Variants in GRM7 observed in about 807,000 individuals in gnomAD.
GRM7 encodes the protein metabotropic glutamate receptor 7.
A neutral mutation model predicts 84.5 loss-of-function variants in GRM7; 35 were observed. The ratio of observed to expected loss-of-function variants is 0.41; its 90% CI spans 0.32 to 0.55. The LOEUF (loss-of-function observed/expected upper bound fraction) is 0.55. Among genes scored for constraint, GRM7 ranks in the 20% least tolerant of loss-of-function variants. GRM7 has a pLI of 0.19. For missense variants in GRM7, 1,003 were observed against 1,194.6 expected (o/e 0.84, Z 2.36); for synonymous variants, 487 against 455.1 (o/e 1.07, Z -0.89).
At chr3:6,955,354 C>T (rs770222373) in intron 1 of GRM7, among the ~76,000 whole-genome samples, 3 of 151,940 alleles carry the variant, frequency 2.0e-5, no homozygotes, top group African/African-American at 7.3e-5. Context: ...TGGTCCAACA[C>T]GGTGAAGCCC....
intron 1 of GRM7, among the ~76,000 whole-genome samples, chr3:7,025,589 C>T (rs1377808499): frequency 6.6e-6 from 1 of 152,174 alleles, no homozygotes; most frequent in Non-Finnish European, 1.5e-5. Flanking sequence ...TGAGTCATGC[C>T]TGCAGACGTG....
At chr3:7,170,189 G>A (rs568577732) in intron 2 of GRM7, among the ~76,000 whole-genome samples, 114 of 152,236 alleles carry the variant, frequency 7.5e-4, no homozygotes, top group African/African-American at 2.4e-3. Context: ...GGAGTAAATC[G>A]ATTGTTAGGG....
chr3:7,152,043 G>A (rs1246291951), intron 2 of GRM7, among the ~76,000 whole-genome samples: 1 of 152,046 alleles, frequency 6.6e-6, no homozygotes, highest in African/African-American at 2.4e-5. Context: ...AAACATTTGA[G>A]AACTCAATTT....
At chr3:6,892,102 C>T (rs1288610376) in intron 1 of GRM7, among the ~76,000 whole-genome samples, 2 of 152,148 alleles carry the variant, frequency 1.3e-5, no homozygotes, top group African/African-American at 2.4e-5. Context: ...TTAAGCACTT[C>T]TCTGTATTGG....
intron 1 of GRM7, among the ~76,000 whole-genome samples, chr3:6,921,509 C>T (rs192179292): frequency 2.0e-5 from 3 of 152,176 alleles, no homozygotes; most frequent in East Asian, 1.9e-4. Flanking sequence ...TCTATTAAAA[C>T]GTGTGGATCC....
At chr3:7,500,411 T>G (rs1031037624) in intron 7 of GRM7, among the ~76,000 whole-genome samples, 1 of 152,236 alleles carries the variant, frequency 6.6e-6, no homozygotes, top group African/African-American at 2.4e-5. Context: ...AGCTGTAGCT[T>G]TCTTTACTTG....
chr3:7,331,686 C>A (rs1024738796), intron 4 of GRM7, among the ~76,000 whole-genome samples: 1 of 152,140 alleles, frequency 6.6e-6, no homozygotes, highest in African/African-American at 2.4e-5. Context: ...TATCATAGCA[C>A]AGTATCTCAT....
intron 1 of GRM7, among the ~76,000 whole-genome samples, chr3:6,875,120 C>T: frequency 6.6e-6 from 1 of 151,840 alleles, no homozygotes; most frequent in East Asian, 1.9e-4. Context: ...ATCAACAGTA[C>T]ATTAAAAGTT....
chr3:7,459,489 T>C (rs1384601966), intron 6 of GRM7, among the ~76,000 whole-genome samples: 1 of 152,058 alleles, frequency 6.6e-6, no homozygotes. Context: ...GGGGGTTTAA[T>C]GGACTCACAG....
chr3:7,229,617 T>G (rs1457343378), intron 2 of GRM7, among the ~76,000 whole-genome samples: 1 of 149,106 alleles, frequency 6.7e-6, no homozygotes, highest in East Asian at 2.0e-4. Flanking sequence ...AACGGAAGGG[T>G]AAATGGATTT....
At chr3:6,964,431 A>G (rs1693430282) in intron 1 of GRM7, among the ~76,000 whole-genome samples, 1 of 152,152 alleles carries the variant, frequency 6.6e-6, no homozygotes, top group African/African-American at 2.4e-5. Flanking sequence ...GCATTGTGTA[A>G]GGACTTAAAC....
At chr3:7,290,308 G>A (rs1699578245) in intron 2 of GRM7, among the ~76,000 whole-genome samples, 1 of 152,122 alleles carries the variant, frequency 6.6e-6, no homozygotes, top group South Asian at 2.1e-4. Flanking sequence ...TCTGCAAAAT[G>A]GAAGCGTTGT....
At position 7,677,243 on chromosome 3, in the gene GRM7, T is replaced by C. The variant is rs529124135; in HGVS notation, c.2452-2806T>C. Reference sequence around the variant, plus strand: ...CACCACTGCTCTCCAACCTGGGCAATAGAGGGAGACTCTGTCTTTAAAAAA... The same window carrying C: ...CACCACTGCTCTCCAACCTGGGCAACAGAGGGAGACTCTGTCTTTAAAAAA... On this transcript the variant is annotated intron_variant, in intron 8 of 9. Transcript: ENST00000357716. Among the ~76,000 whole-genome samples, 128 of 108,092 alleles carry C rather than the reference T, an allele frequency of 1.2e-3. 2 individuals are homozygous for C. In the South Asian group the frequency reaches 0.034, roughly 29 times the overall value. The allele number at this position is 108,092 out of a possible 152,430, so 70.9% of individuals were successfully genotyped here.
chr3:7,397,219 T>C (rs372705418), intron 4 of GRM7, among the ~76,000 whole-genome samples: 1 of 152,174 alleles, frequency 6.6e-6, no homozygotes, highest in African/African-American at 2.4e-5. Context: ...CATATTGAAA[T>C]TTTGGTGACT....
chr3:7,144,423 C>A (rs951252621), intron 1 of GRM7, among the ~76,000 whole-genome samples: 8 of 152,140 alleles, frequency 5.3e-5, no homozygotes, highest in Non-Finnish European at 1.2e-4. Flanking sequence ...ATAAACAGTA[C>A]ATATTACTTT....
At chr3:7,068,112 G>A (rs1007767720) in intron 1 of GRM7, among the ~76,000 whole-genome samples, 5 of 151,910 alleles carry the variant, frequency 3.3e-5, no homozygotes, top group African/African-American at 1.2e-4. Context: ...AACCATCTGA[G>A]ACTGGGAGAT....
chr3:7,734,003 T>C (rs963314745), intron 9 of GRM7, among the ~76,000 whole-genome samples: 3 of 152,186 alleles, frequency 2.0e-5, no homozygotes, highest in Admixed American at 6.5e-5. Context: ...TATGTAATAG[T>C]TTTTTTGCAT....
intron 1 of GRM7, among the ~76,000 whole-genome samples, chr3:6,900,367 A>G (rs17046297): frequency 0.021 from 3,187 of 152,282 alleles, 121 homozygotes; most frequent in African/African-American, 0.073. Flanking sequence ...AAGCACAATA[A>G]ATAATCCAAC....
chr3:7,741,301 C>T lies in GRM7; in HGVS notation c.*895C>T, dbSNP rs1227644892. The T allele has an allele frequency of 6.6e-6, 1 of 152,308 alleles. No homozygotes were observed. Among genetic ancestry groups the T allele is most frequent in the African/African-American group, 2.4e-5 (1 of 41,368 alleles). The allele number at this position is 152,308 out of a possible 1,614,324, so 9.4% of individuals were successfully genotyped here. ...AGGAAAGAATATGGATTTTTCATGT[C>T]TTGAGGTTTTGTTCATGCCCCCTTT... On this transcript the variant is annotated 3_prime_UTR_variant, in exon 10 of 10. Coordinates refer to ENST00000357716, the MANE Select transcript of GRM7 (RefSeq NM_000844.4).
Sources: gnomAD v4.1 joint callset for allele counts (sites outside exome capture counted in the v4.1 genomes callset) on GRCh38, gnomAD v4.1.1 for gene constraint, MANE v1.5 for transcripts, NCBI Gene and HGNC (gene_info 2026-07-23, HGNC 2026-07-21) for gene names.